The following LDAH variants were observed in gnomAD, a reference collection of about 807,000 sequenced individuals.
The protein encoded by LDAH is lipid droplet-associated hydrolase.
In LDAH, 26 loss-of-function variants were observed where a neutral mutation model predicts 29.6. The observed-to-expected ratio is 0.88, with a 90% CI of 0.64 to 1.22. The LOEUF is 1.22. Among genes scored for constraint, LDAH ranks in the 50% most tolerant of loss-of-function variants. LDAH has a pLI of 0.00. For missense variants in LDAH, 344 were observed against 387.3 expected (o/e 0.89, Z 0.94); for synonymous variants, 117 against 133.0 (o/e 0.88, Z 0.83).
In LDAH at chr2:20,783,858, C is replaced by T. The variant is rs777278557; in HGVS notation, c.298+6397G>A. ...TCCTGAGTAGGCTGAACCACAGGTG[C>T]GTGCCAGCACGCCTGACTAATTTTT... On this transcript the variant is annotated intron_variant, in intron 3 of 6. Transcript: ENST00000237822. 4.6e-5 allele frequency among the ~76,000 whole-genome samples: 7 copies of T among 152,224 alleles called. No homozygotes were observed. In the East Asian group the frequency reaches 7.8e-4, roughly 17 times the overall value.
chr2:20,711,157 G>A (rs1260860420), intron 5 of LDAH, among the ~76,000 whole-genome samples: 1 of 152,108 alleles, frequency 6.6e-6, no homozygotes, highest in Non-Finnish European at 1.5e-5. Context: ...GGGAGGCTGA[G>A]ACGGGCGGAT....
intron 5 of LDAH, among the ~76,000 whole-genome samples, chr2:20,736,896 G>T (rs960534253): frequency 6.6e-6 from 1 of 151,810 alleles, no homozygotes; most frequent in African/African-American, 2.4e-5. Context: ...CATTTCTCTG[G>T]GTATCTCCCA....
At chr2:20,808,657 CAAAAA>C (rs57055848) in intron 1 of LDAH, among the ~76,000 whole-genome samples, 1 of 78,744 alleles carries the variant, frequency 1.3e-5, no homozygotes. Context: ...GACTCCGTCT[CAAAAA>C]AAAAAAAAAA....
chr2:20,787,250 T>C (rs1444018053), intron 3 of LDAH, among the ~76,000 whole-genome samples: 3 of 152,170 alleles, frequency 2.0e-5, no homozygotes, highest in African/African-American at 7.2e-5. Context: ...CTCTGAAAGG[T>C]CTAAGAAAAA....
At chr2:20,752,646 A>C (rs555608318) in intron 4 of LDAH, among the ~76,000 whole-genome samples, 2 of 152,324 alleles carry the variant, frequency 1.3e-5, no homozygotes, top group South Asian at 4.1e-4. Flanking sequence ...GCAATGTAGT[A>C]GTTTCCAGCA....
intron 4 of LDAH, among the ~76,000 whole-genome samples, chr2:20,758,398 T>C (rs1668471819): frequency 6.6e-6 from 1 of 152,168 alleles, no homozygotes; most frequent in African/African-American, 2.4e-5. Context: ...ATAACTAAAA[T>C]TGAGGATGTA....
intron 3 of LDAH, among the ~76,000 whole-genome samples, chr2:20,783,844 C>T (rs558233122): frequency 2.6e-5 from 4 of 152,250 alleles, no homozygotes; most frequent in East Asian, 1.9e-4. Flanking sequence ...CCTGAGTAGG[C>T]TGAACCACAG....
chr2:20,774,848 A>T lies in LDAH; in HGVS notation c.430T>A (p.Phe144Ile). Residue 144 changes from phenylalanine (F) to isoleucine (I), a missense_variant, in exon 4 of 7, where the codon TTC (phenylalanine) becomes ATC (isoleucine). By Grantham distance (21) the Phe-to-Ile change is conservative. Coordinates refer to ENST00000237822, the MANE Select transcript of LDAH (RefSeq NM_021925.4). ...VLIGHSIGSY[F>I]TLQMLKRVPE... is the part of the protein sequence containing the mutation. ...ACTCGCTTCAGCATCTGAAGTGTGA[A>T]ATAGCTGCCTATTGAATGGCCAATG... The T allele has an allele frequency of 6.2e-7, 1 of 1,613,400 alleles. No homozygotes were observed. The highest frequency in any genetic ancestry group is 8.5e-7 in the Non-Finnish European group (1 of 1,179,966).
intron 4 of LDAH, among the ~76,000 whole-genome samples, chr2:20,773,924 C>T (rs140550230): frequency 6.6e-6 from 1 of 152,150 alleles, no homozygotes; most frequent in Non-Finnish European, 1.5e-5. Flanking sequence ...TCCCACACCC[C>T]CTGAACTGAA....
At chr2:20,796,399 AC>A (rs1671309683) in intron 2 of LDAH, among the ~76,000 whole-genome samples, 3 of 151,774 alleles carry the variant, frequency 2.0e-5, no homozygotes, top group Non-Finnish European at 2.9e-5. Context: ...TATTACAACA[AC>A]CTCTTCTTCT....
chr2:20,799,292 G>C (rs1355764330), intron 2 of LDAH, among the ~76,000 whole-genome samples: 1 of 151,996 alleles, frequency 6.6e-6, no homozygotes, highest in Non-Finnish European at 1.5e-5. Flanking sequence ...TGTTAAAAGT[G>C]GTTGCCTCTG....
chr2:20,697,868 T>C (rs1214308709), intron 6 of LDAH, among the ~76,000 whole-genome samples: 1 of 152,236 alleles, frequency 6.6e-6, no homozygotes, highest in Non-Finnish European at 1.5e-5. Context: ...ACAATATTAG[T>C]AATGCCTATA....
intron 5 of LDAH, among the ~76,000 whole-genome samples, chr2:20,734,110 A>T (rs1391283308): frequency 6.6e-6 from 1 of 152,194 alleles, no homozygotes; most frequent in African/African-American, 2.4e-5. Context: ...ATCTGATATT[A>T]ATAAAGCTAT....
rs894332235 is a variant in LDAH, at chr2:20,698,462, G to A, written c.786+3108C>T. ...CCCAGCACCTTGGGAGGCCGAGGCC[G>A]GTAAATCACAAGGTCAGGAGTTTGA... is the stretch of plus-strand genomic sequence containing the variant. On this transcript the variant is annotated intron_variant, in intron 6 of 6. Coordinates refer to ENST00000237822, the MANE Select transcript of LDAH (RefSeq NM_021925.4). The surrounding 1 kb of genome is among the most constrained non-coding windows in gnomAD (Gnocchi z 4.4). 1.3e-5 allele frequency among the ~76,000 whole-genome samples: 2 copies of A among 152,134 alleles called. No individual in the cohort carries two copies. The highest frequency in any genetic ancestry group is 6.5e-5 in the Admixed American group (1 of 15,272).
intron 1 of LDAH, among the ~76,000 whole-genome samples, chr2:20,808,161 G>C (rs183120427): frequency 6.6e-6 from 1 of 152,154 alleles, no homozygotes; most frequent in Admixed American, 6.5e-5. Flanking sequence ...AGAAAGCTAC[G>C]TGGTTTGCTG....
intron 3 of LDAH, among the ~76,000 whole-genome samples, chr2:20,782,786 A>AT (rs539660853): frequency 2.0e-5 from 3 of 151,542 alleles, no homozygotes; most frequent in South Asian, 2.1e-4. Flanking sequence ...TGGTTTGTTG[A>AT]TTTTTTTTCT....
At chr2:20,764,490 T>C (rs946156554) in intron 4 of LDAH, among the ~76,000 whole-genome samples, 3 of 152,234 alleles carry the variant, frequency 2.0e-5, no homozygotes, top group African/African-American at 7.2e-5. Flanking sequence ...TCTGATTTAC[T>C]ATCTTTTCAG....
At chr2:20,734,725 T>G (rs570109994) in intron 5 of LDAH, among the ~76,000 whole-genome samples, 1 of 152,202 alleles carries the variant, frequency 6.6e-6, no homozygotes, top group Non-Finnish European at 1.5e-5. Flanking sequence ...TTTTAACTTG[T>G]TCACTGTTCT....
chr2:20,716,289 G>A (rs1330494811), intron 5 of LDAH, among the ~76,000 whole-genome samples: 1 of 152,066 alleles, frequency 6.6e-6, no homozygotes. Context: ...TATATTTATT[G>A]CAGCACTGTT....
Sources: gnomAD v4.1 joint callset for allele counts (sites outside exome capture counted in the v4.1 genomes callset) on GRCh38, gnomAD v4.1.1 for gene constraint, Gnocchi (gnomAD v3.1) non-coding constraint, MANE v1.5 for transcripts, NCBI Gene and HGNC (gene_info 2026-07-23, HGNC 2026-07-21) for gene names.